Variants in TRANK1 observed in about 807,000 individuals in gnomAD.
TRANK1 encodes the protein tetratricopeptide repeat and ankyrin repeat containing 1.
In TRANK1, 198 loss-of-function variants were observed where a neutral mutation model predicts 266.0. The ratio of observed to expected loss-of-function variants is 0.74; its 90% CI spans 0.66 to 0.84. The LOEUF is 0.84. Ranked by LOEUF, TRANK1 falls within the 40% of genes least tolerant of loss-of-function variation. TRANK1 has a pLI of 0.00. For synonymous variants in TRANK1, 1,396 were observed against 1,384.1 expected (o/e 1.01, Z -0.19); for missense variants, 3,326 against 3,634.6 (o/e 0.92, Z 2.18).
Position 36,944,813 on chromosome 3 carries a change from T to C in TRANK1, c.-4A>G. On this transcript the variant is annotated 5_prime_UTR_variant, in exon 1 of 24. Coordinates refer to ENST00000645898, the MANE Select transcript of TRANK1 (RefSeq NM_001329998.2). Reference sequence around the variant, plus strand: ...TAGCTGCCCGCGGGTCCCACATGGCTGCGGCCGGAGGGTCCGCACCAGGAC... The same window carrying C: ...TAGCTGCCCGCGGGTCCCACATGGCCGCGGCCGGAGGGTCCGCACCAGGAC... 1 of 1,489,512 alleles carries C rather than the reference T, an allele frequency of 6.7e-7. No individual in the cohort carries two copies. Among genetic ancestry groups the C allele is most frequent in the Admixed American group, 2.2e-5 (1 of 45,480 alleles). 92.3% of individuals were successfully genotyped at this position (1,489,512 alleles called of 1,614,324 possible).
Position 36,892,947 on chromosome 3 carries a change from G to A in TRANK1, c.590C>T (p.Pro197Leu). 2 of 1,513,582 alleles carry A rather than the reference G, an allele frequency of 1.3e-6. No homozygotes were observed. The highest frequency in any genetic ancestry group is 8.8e-7 in the Non-Finnish European group (1 of 1,138,526). 93.8% of individuals were successfully genotyped at this position (1,513,582 alleles called of 1,614,324 possible). Reference protein sequence around the residue: ...LLLSAKKDRLPRNIHVPELSL... With the variant: ...LLLSAKKDRLLRNIHVPELSL... ...TAACTCTGGGACATGAATATTTCTT[G>A]GTAATCGGTCTTTTTTTGCTGACAG... Residue 197 changes from proline to leucine, a missense_variant, in exon 6 of 24, where the codon CCA becomes CTA. By Grantham distance (98) the Pro-to-Leu change is moderately conservative. Transcript: ENST00000645898.
rs1251339785 is a variant in TRANK1, at chr3:36,874,192, A to C, written c.1012T>G (p.Phe338Val). The change falls in exon 9 of 24, where the codon TTC becomes GTC. Residue 338 changes from phenylalanine (F) to valine (V), a missense_variant. By Grantham distance (50) the Phe-to-Val change is conservative. Coordinates refer to ENST00000645898, the MANE Select transcript of TRANK1 (RefSeq NM_001329998.2). The stretch of plus-strand genomic sequence containing the variant: ...CTGTTGATTTTCTCGATGGCTTTGA[A>C]GTTCTTATTCCTCTTCAGGACATCC... ...VVDVLKRNKN[F>V]KAIEKINSHL... 1.6e-5 allele frequency: 24 copies of C among 1,537,250 alleles called. No homozygotes were observed. Among genetic ancestry groups the C allele is most frequent in the Non-Finnish European group, 1.9e-5 (22 of 1,146,914 alleles).
At chr3:36,916,680 T>C (rs571400022) in intron 1 of TRANK1, among the ~76,000 whole-genome samples, 1 of 152,314 alleles carries the variant, frequency 6.6e-6, no homozygotes, top group Non-Finnish European at 1.5e-5. Flanking sequence ...GAGTTCCTGA[T>C]GAATTTCATG....
intron 3 of TRANK1, among the ~76,000 whole-genome samples, chr3:36,901,490 T>A (rs2125622050): frequency 6.6e-6 from 1 of 152,320 alleles, no homozygotes; most frequent in East Asian, 1.9e-4. Context: ...TATTATTCTT[T>A]ATTAAAAATA....
intron 2 of TRANK1, among the ~76,000 whole-genome samples, chr3:36,905,025 C>T (rs747521160): frequency 1.3e-5 from 2 of 151,832 alleles, no homozygotes; most frequent in Non-Finnish European, 2.9e-5. Context: ...CACAGTGGCT[C>T]ATGCCTGTAA....
chr3:36,878,029 G>T (rs2079414722), intron 8 of TRANK1, among the ~76,000 whole-genome samples: 1 of 135,084 alleles, frequency 7.4e-6, no homozygotes, highest in African/African-American at 3.0e-5. Flanking sequence ...TTAGATCAGG[G>T]GTCCCCAACC....
rs778304829 is a variant in TRANK1 at position 36,833,717 on chromosome 3, G to A, written c.5866C>T (p.Leu1956=). The change falls in exon 22 of 24, where the codon CTG becomes TTG. Residue 1956 remains leucine (L), a synonymous_variant. Coordinates refer to ENST00000645898, the MANE Select transcript of TRANK1 (RefSeq NM_001329998.2). The stretch of plus-strand genomic sequence containing the variant: ...TCTTCTCTCCTACCTTCCCTGTTCA[G>A]CAGGTCTGCAGCTTCTGCTAAGCGT... The part of the protein sequence containing the change: ...RKRLAEAADL[L]NREGRREEAA... The A allele has an allele frequency of 1.5e-4, 245 of 1,613,896 alleles. 1 individual carries two copies. In the Admixed American group the frequency reaches 4.1e-3, roughly 27 times the overall value.
intron 18 of TRANK1, among the ~76,000 whole-genome samples, chr3:36,839,473 T>C (rs1433829700): frequency 6.6e-6 from 1 of 152,212 alleles, no homozygotes; most frequent in African/African-American, 2.4e-5. Flanking sequence ...GACAGGATGA[T>C]CACTCTCCCC....
rs1395232755 is a variant in TRANK1 at position 36,861,080 on chromosome 3, A to G, written c.1321T>C (p.Trp441Arg). ...GTCAGCAGCAGAAGCACCTCAGGCC[A>G]TCTCTGTTTTTCCAATAAGAATTTG... ...VFKFLLEKQRWPEVLLLLTRK... is the reference protein window; with the variant it reads ...VFKFLLEKQRRPEVLLLLTRK... Residue 441 changes from tryptophan (W) to arginine (R), a missense_variant, in exon 11 of 24, where the codon TGG becomes CGG. Trp to Arg is a moderately radical substitution (Grantham distance 101). Coordinates refer to ENST00000645898, the MANE Select transcript of TRANK1 (RefSeq NM_001329998.2). The G allele has an allele frequency of 7.2e-6, 11 of 1,537,576 alleles. No homozygotes were observed. The highest frequency in any genetic ancestry group is 8.7e-6 in the Non-Finnish European group (10 of 1,147,014).
Position 36,831,616 on chromosome 3 carries a change from T to G in TRANK1, c.7967A>C (p.Lys2656Thr). The G allele has an allele frequency of 6.2e-7, 1 of 1,613,872 alleles. No homozygotes were observed. The highest frequency in any genetic ancestry group is 1.1e-5 in the South Asian group (1 of 91,060). The change falls in exon 22 of 24, where the codon AAA (lysine) becomes ACA (threonine). Residue 2656 changes from lysine (K) to threonine (T), a missense_variant. Coordinates refer to ENST00000645898, the MANE Select transcript of TRANK1 (RefSeq NM_001329998.2). The surrounding 1 kb of genome is among the most constrained non-coding windows in gnomAD (Gnocchi z 5.0). The part of the protein sequence containing the change: ...CDWRWDPVHT[K>T]GSIVRGLYYE... ...ATAGAGGCCACGGACTATGGACCCTTTGGTGTGCACAGGGTCCCACCGCCA... is the reference window on the plus strand; with the variant it reads ...ATAGAGGCCACGGACTATGGACCCTGTGGTGTGCACAGGGTCCCACCGCCA...
chr3:36,856,506 G>A lies in TRANK1; in HGVS notation c.3216C>T (p.Ile1072=), dbSNP rs756093815. Residue 1072 remains isoleucine, a synonymous_variant, in exon 13 of 24, where the codon ATC becomes ATT. Transcript: ENST00000645898. ...IDLNPRPLEP[I]ILIGRSGTGK... The stretch of plus-strand genomic sequence containing the variant: ...CAGTGCCACTTCGCCCAATAAGGAT[G>A]ATGGGCTCCAGTGGCCTGGGATTGA... 1 of 1,614,028 alleles carries A rather than the reference G, an allele frequency of 6.2e-7. No individual in the cohort carries two copies. Among genetic ancestry groups the A allele is most frequent in the South Asian group, 1.1e-5 (1 of 91,086 alleles).
chr3:36,856,618 T>C lies in TRANK1; in HGVS notation c.3104A>G (p.Asn1035Ser), dbSNP rs781107866. The C allele has an allele frequency of 2.5e-6, 4 of 1,613,902 alleles. No homozygotes were observed. In the East Asian group the frequency reaches 6.7e-5, roughly 27 times the overall value. ...GTCATTGAGGATGTTAAAGGCCATG[T>C]TGGTGCTGAAGCTGTGGAACTTCAT... ...NIMKFHSFSTNMAFNILNDTT... is the reference protein window; with the variant it reads ...NIMKFHSFSTSMAFNILNDTT... The change falls in exon 13 of 24, where the codon AAC becomes AGC. Residue 1035 changes from asparagine to serine, a missense_variant. Coordinates refer to ENST00000645898, the MANE Select transcript of TRANK1 (RefSeq NM_001329998.2).
At chr3:36,936,616 A>AT (rs1287971653) in intron 1 of TRANK1, among the ~76,000 whole-genome samples, 1 of 152,204 alleles carries the variant, frequency 6.6e-6, no homozygotes, top group Non-Finnish European at 1.5e-5. Context: ...AAGGAGGAAC[A>AT]TTTTAACTCC....
intron 17 of TRANK1, among the ~76,000 whole-genome samples, chr3:36,844,470 G>T (rs571941227): frequency 2.0e-5 from 3 of 152,072 alleles, no homozygotes; most frequent in Admixed American, 2.0e-4. Flanking sequence ...CAGGTGATCC[G>T]CCCACCTTGG....
Position 36,944,790 on chromosome 3 carries a change from G to A in TRANK1, c.20C>T (p.Ala7Val), listed in dbSNP as rs761976466. Residue 7 changes from alanine to valine, a missense_variant, in exon 1 of 24, where the codon GCT becomes GTT. Physicochemically the swap from Ala to Val is moderately conservative, Grantham distance 64 (BLOSUM62 0). Coordinates refer to ENST00000645898, the MANE Select transcript of TRANK1 (RefSeq NM_001329998.2). MWDPRA[A>V]RMDLTAYAEL... ...TGCTTCCCGCGCCGCTACGCACCTA[G>A]CTGCCCGCGGGTCCCACATGGCTGC... 12 of 1,494,212 alleles carry A rather than the reference G, an allele frequency of 8.0e-6. No individual in the cohort carries two copies. The South Asian group carries it at 1.4e-4, about 17-fold the overall frequency. The allele number at this position is 1,494,212 out of a possible 1,614,324, so 92.6% of individuals were successfully genotyped here.
chr3:36,943,701 G>A (rs574243487), intron 1 of TRANK1, among the ~76,000 whole-genome samples: 8 of 151,376 alleles, frequency 5.3e-5, no homozygotes, highest in African/African-American at 1.9e-4. Context: ...TATCAAAAAG[G>A]ATCCTGGAAC....
chr3:36,880,935 T>C (rs992118319), intron 8 of TRANK1, among the ~76,000 whole-genome samples: 2 of 128,198 alleles, frequency 1.6e-5, no homozygotes, highest in Non-Finnish European at 1.6e-5. Context: ...GTTACCCTAA[T>C]TGGAGGCCAT....
chr3:36,866,047 A>G (rs2079215342), intron 9 of TRANK1, among the ~76,000 whole-genome samples: 1 of 142,924 alleles, frequency 7.0e-6, no homozygotes, highest in Admixed American at 7.2e-5. Flanking sequence ...AGACAGACAG[A>G]AAGAAAAAGA....
intron 8 of TRANK1, among the ~76,000 whole-genome samples, chr3:36,886,063 T>C (rs537465989): frequency 9.9e-5 from 15 of 151,728 alleles, no homozygotes; most frequent in Admixed American, 5.3e-4. Context: ...TTGGAGGTCA[T>C]AGTGGCAGCC....
Sources: gnomAD v4.1 joint callset for allele counts (sites outside exome capture counted in the v4.1 genomes callset) on GRCh38, gnomAD v4.1.1 for gene constraint, Gnocchi (gnomAD v3.1) non-coding constraint, MANE v1.5 for transcripts, NCBI Gene and HGNC (gene_info 2026-07-23, HGNC 2026-07-21) for gene names.